DNAJB4: variants seen among roughly 807,000 people sequenced by gnomAD.
DNAJB4 encodes the protein DnaJ heat shock protein family (Hsp40) member B4.
In DNAJB4, 10 loss-of-function variants were observed where a neutral mutation model predicts 26.6. The observed-to-expected ratio is 0.38, with a 90% confidence interval of 0.23 to 0.64. The LOEUF (loss-of-function observed/expected upper bound fraction) is 0.64. Among genes scored for constraint, DNAJB4 ranks in the 30% least tolerant of loss-of-function variants. The probability of loss-of-function intolerance (pLI) is 0.58; values close to 1 mark genes in which losing one functional copy is unlikely to be tolerated. For synonymous variants in DNAJB4, 136 were observed against 134.8 expected, an observed-to-expected ratio of 1.01 and a Z score of -0.06; for missense variants, 328 against 408.2, an observed-to-expected ratio of 0.80 and a Z score of 1.69.
intron 1 of DNAJB4, among the ~76,000 whole-genome samples, chr1:78,012,154 CTTTTCTTTTTTTTT>C (rs1660500212): frequency 4.3e-5 from 3 of 69,342 alleles, no homozygotes; most frequent in South Asian, 5.7e-4. Context: ...TTTTTCTTTT[CTTTTCTTTTTTTTT>C]TTTTTTTTTT....
In DNAJB4 at chr1:78,013,452, A is replaced by T; in HGVS notation, c.613A>T (p.Lys205Ter). The T allele has an allele frequency of 6.2e-7, 1 of 1,614,164 alleles. No homozygotes were observed. The highest frequency in any genetic ancestry group is 8.5e-7 in the Non-Finnish European group (1 of 1,180,018). Residue 205 changes from lysine (K) to a stop codon, truncating the protein, a stop_gained, in exon 2 of 3, where the codon AAA (lysine) becomes TAA (stop). Transcript: ENST00000370763. LOFTEE classifies it high-confidence loss of function. ...SEDKILTIEIKKGWKEGTKIT... is the reference protein window; with the variant it reads ...SEDKILTIEI ...GGACAAAATTCTTACCATTGAGATT[A>T]AAAAAGGGTGGAAAGAAGGCACCAA...
At chr1:77,982,690 C>T (rs934465505) in intron 1 of DNAJB4, among the ~76,000 whole-genome samples, 34 of 152,184 alleles carry the variant, frequency 2.2e-4, no homozygotes, top group Admixed American at 7.9e-4. Context: ...CCCAGCTACT[C>T]GGGAGGCTGA....
At chr1:77,997,852 A>G (rs972792056) in intron 1 of DNAJB4, among the ~76,000 whole-genome samples, 3 of 151,912 alleles carry the variant, frequency 2.0e-5, no homozygotes, top group African/African-American at 7.3e-5. Context: ...TAGTGGCATG[A>G]TCTTGGCCCA....
intron 1 of DNAJB4, among the ~76,000 whole-genome samples, chr1:77,982,564 G>GTAATCCTAGCACTTTGGGAGGCCA (rs1191294833): frequency 5.0e-4 from 2 of 4,038 alleles, no homozygotes; most frequent in East Asian, 0.011. Context: ...GCCTCATGCC[G>GTAATCCTAGCACTTTGGGAGGCCA]AGGCGGGTGG....
intron 1 of DNAJB4, among the ~76,000 whole-genome samples, chr1:77,981,666 G>C (rs984739727): frequency 2.0e-5 from 3 of 152,124 alleles, no homozygotes; most frequent in Admixed American, 6.5e-5. Context: ...TTGAGACAAA[G>C]GTTCTTTGTG....
upstream of DNAJB4, among the ~76,000 whole-genome samples, chr1:77,979,944 G>A (rs1659478770): frequency 6.6e-6 from 1 of 151,840 alleles, no homozygotes; most frequent in Admixed American, 6.6e-5. Context: ...GTGCAGTGGC[G>A]CGGTCTCGGC....
upstream of DNAJB4, among the ~76,000 whole-genome samples, chr1:77,979,780 C>T (rs1659453976): frequency 6.6e-6 from 1 of 152,122 alleles, no homozygotes. Flanking sequence ...TATGACTGCC[C>T]TTTTCTTTAT....
At chr1:78,001,345 GA>G (rs10707731), upstream of DNAJB4, among the ~76,000 whole-genome samples, 88,992 of 143,194 alleles carry the variant, frequency 0.62, 27,769 homozygotes, top group East Asian at 0.91. Flanking sequence ...TCTCAAAAAA[GA>G]AAAAAAAAAA....
In DNAJB4 at chr1:77,982,624, A is replaced by T. The variant is rs554316663; in HGVS notation, c.-32+2302A>T. On this transcript the variant is annotated intron_variant, in intron 1 of 2. Coordinates refer to the DNAJB4 transcript ENST00000426517. ...ACCAGCCTGGCCAACATAGTGAAAC[A>T]TCGGCTCTACTAAAAATACAAAAAT... 3.9e-5 allele frequency among the ~76,000 whole-genome samples: 6 copies of T among 152,294 alleles called. No individual in the cohort carries two copies. In the South Asian group the frequency reaches 1.2e-3, roughly 32 times the overall value.
At chr1:77,979,274 C>G (rs542131045), upstream of DNAJB4, 20 of 439,982 alleles carry the variant, frequency 4.5e-5, no homozygotes, top group East Asian at 6.8e-4. Context: ...TTTGGCACCT[C>G]CTCTCCGCGC....
intron 1 of DNAJB4, among the ~76,000 whole-genome samples, chr1:77,989,704 A>G (rs1659887464): frequency 6.6e-6 from 1 of 152,160 alleles, no homozygotes; most frequent in Middle Eastern, 3.2e-3. Flanking sequence ...GTTTTTGGAC[A>G]CTAGTGGTGT....
intron 1 of DNAJB4, among the ~76,000 whole-genome samples, chr1:77,993,823 A>C (rs72685378): frequency 0.027 from 4,115 of 152,212 alleles, 100 homozygotes; most frequent in South Asian, 0.11. Flanking sequence ...TATTTTAGAG[A>C]TATATTTTTC....
chr1:78,006,628 A>T (rs572613604), intron 1 of DNAJB4, among the ~76,000 whole-genome samples: 1 of 152,216 alleles, frequency 6.6e-6, no homozygotes, highest in South Asian at 2.1e-4. Context: ...CCAAAATTGA[A>T]GTTTATGTTG....
Position 78,017,781 on chromosome 1 carries a change from T to G in DNAJB4, c.*1534T>G, listed in dbSNP as rs1660680209. 1 of 151,528 alleles carries G rather than the reference T, an allele frequency of 6.6e-6. No individual in the cohort carries two copies. Among genetic ancestry groups the G allele is most frequent in the Non-Finnish European group, 1.5e-5 (1 of 67,830 alleles). The allele number at this position is 151,528 out of a possible 1,614,324, so 9.4% of individuals were successfully genotyped here. A position where few individuals can be genotyped will look rare whatever the true frequency, so the allele number is the denominator to read the frequency against. The stretch of plus-strand genomic sequence containing the variant: ...AACAATATATGGCTTTTTTTTTTTT[T>G]GGTCTGGCCTCTTTCATTTAGCTTA... On this transcript the variant is annotated 3_prime_UTR_variant, in exon 3 of 3. Coordinates refer to ENST00000370763, the MANE Select transcript of DNAJB4 (RefSeq NM_007034.5).
chr1:78,001,352 A>C (rs949564615), upstream of DNAJB4, among the ~76,000 whole-genome samples: 1 of 152,088 alleles, frequency 6.6e-6, no homozygotes, highest in Non-Finnish European at 1.5e-5. Context: ...AAAGAAAAAA[A>C]AAAAAAATTT....
chr1:77,991,400 A>G (rs919613649), intron 1 of DNAJB4, among the ~76,000 whole-genome samples: 2 of 152,204 alleles, frequency 1.3e-5, no homozygotes, highest in Admixed American at 6.5e-5. Flanking sequence ...AATACTTGAA[A>G]TGCTTTCAAG....
intron 1 of DNAJB4, among the ~76,000 whole-genome samples, chr1:78,006,914 G>A (rs1428856038): frequency 2.0e-5 from 3 of 152,204 alleles, no homozygotes; most frequent in Non-Finnish European, 4.4e-5. Context: ...CCACTGCTTT[G>A]TATTTAAAAT....
intron 1 of DNAJB4, among the ~76,000 whole-genome samples, chr1:77,985,074 ATC>A (rs1659760737): frequency 2.0e-5 from 3 of 151,680 alleles, no homozygotes; most frequent in South Asian, 4.1e-4. Flanking sequence ...AGGAAGAAGA[ATC>A]TGTACAGAAC....
At chr1:78,015,422 C>A (rs1660607362) in intron 2 of DNAJB4, among the ~76,000 whole-genome samples, 1 of 145,520 alleles carries the variant, frequency 6.9e-6, no homozygotes, top group African/African-American at 2.5e-5. Flanking sequence ...ATATCCTTTA[C>A]TTCTCTTTTA....
Sources: gnomAD v4.1 joint callset for allele counts (sites outside exome capture counted in the v4.1 genomes callset) on GRCh38, gnomAD v4.1.1 for gene constraint, MANE v1.5 for transcripts, NCBI Gene and HGNC (gene_info 2026-07-23, HGNC 2026-07-21) for gene names.